Variants in FRMD6 observed in about 807,000 individuals in gnomAD.
FRMD6 encodes the protein FERM domain-containing protein 6.
A neutral mutation model predicts 73.2 loss-of-function variants in FRMD6; 37 were observed. The ratio of observed to expected loss-of-function variants is 0.51; its 90% CI spans 0.39 to 0.66. The LOEUF (loss-of-function observed/expected upper bound fraction) is 0.66. FRMD6 is among the 30% of genes least tolerant of loss of function. FRMD6 has a pLI of 0.00. For missense variants in FRMD6, 714 were observed against 780.5 expected (o/e 0.91, Z 1.02); for synonymous variants, 273 against 282.2 (o/e 0.97, Z 0.33).
At position 51,720,581 on chromosome 14, in the gene FRMD6, G is replaced by C. The variant is rs1335823722; in HGVS notation, c.1360+191G>C. 4 of 595,078 alleles carry C rather than the reference G, an allele frequency of 6.7e-6. No individual in the cohort carries two copies. In the East Asian group the frequency reaches 8.5e-5, roughly 13 times the overall value. The allele number at this position is 595,078 out of a possible 1,614,324, so 36.9% of individuals were successfully genotyped here. A position where few individuals can be genotyped will look rare whatever the true frequency, so the allele number is the denominator to read the frequency against. On this transcript the variant is annotated intron_variant, in intron 11 of 13. Coordinates refer to ENST00000344768, the MANE Select transcript of FRMD6 (RefSeq NM_001267046.2). ...CTGTGAACAAAACATCCCTCTAGTT[G>C]TGATCCTTTGCGGCCACAAGACTGG...
At chr14:51,724,153 T>C (rs1897809399) in intron 12 of FRMD6, 1 of 152,100 alleles carries the variant, frequency 6.6e-6, no homozygotes, top group African/African-American at 2.4e-5. Flanking sequence ...ACAGAGAAGA[T>C]TAGCATGGCC....
At chr14:51,503,242 G>A (rs753338309) in intron 1 of FRMD6, among the ~76,000 whole-genome samples, 1 of 152,172 alleles carries the variant, frequency 6.6e-6, no homozygotes, top group South Asian at 2.1e-4. Context: ...TGTTGAATAG[G>A]AGTGGTGAGA....
At chr14:51,518,712 A>T (rs1313446088) in intron 1 of FRMD6, among the ~76,000 whole-genome samples, 2 of 152,158 alleles carry the variant, frequency 1.3e-5, no homozygotes, top group East Asian at 3.9e-4. Flanking sequence ...AATTTTAACC[A>T]CTAAAAGTCA....
chr14:51,587,608 G>A (rs1326856497), intron 2 of FRMD6, among the ~76,000 whole-genome samples: 3 of 152,124 alleles, frequency 2.0e-5, no homozygotes, highest in African/African-American at 7.2e-5. Flanking sequence ...TGATCTGGGT[G>A]ATCTAGAGGG....
At chr14:51,658,587 C>T (rs1212440167) in intron 1 of FRMD6, among the ~76,000 whole-genome samples, 1 of 152,156 alleles carries the variant, frequency 6.6e-6, no homozygotes, top group Non-Finnish European at 1.5e-5. Flanking sequence ...CTTCCTTCCA[C>T]CCCCATCCAG....
intron 13 of FRMD6, 66 bp from the exon 14 acceptor site, chr14:51,727,679 C>G: frequency 2.0e-6 from 3 of 1,464,304 alleles, no homozygotes; most frequent in Non-Finnish European, 2.8e-6. Flanking sequence ...TGTAGCATCT[C>G]TCTTTACAAG....
chr14:51,640,114 C>T (rs1891750461), intron 2 of FRMD6, among the ~76,000 whole-genome samples: 1 of 152,038 alleles, frequency 6.6e-6, no homozygotes, highest in Admixed American at 6.6e-5. Flanking sequence ...TTAGTTATTC[C>T]ATTAACATCC....
At chr14:51,398,836 A>G in the FRMD6 span, among the ~76,000 whole-genome samples, 1 of 152,126 alleles carries the variant, frequency 6.6e-6, no homozygotes, top group Non-Finnish European at 1.5e-5. Flanking sequence ...AAATTATCCT[A>G]TCCACCATCA....
intron 1 of FRMD6, among the ~76,000 whole-genome samples, chr14:51,504,438 G>C (rs1883829214): frequency 6.6e-6 from 1 of 152,204 alleles, no homozygotes; most frequent in Non-Finnish European, 1.5e-5. Context: ...GAAGCAGTCT[G>C]GTTACTTTTT....
chr14:51,615,319 T>C (rs1480409370), intron 2 of FRMD6, among the ~76,000 whole-genome samples: 1 of 152,216 alleles, frequency 6.6e-6, no homozygotes. Flanking sequence ...ATTTCTTCTA[T>C]TACTAATCAT....
rs1293573754 is a variant in FRMD6, at chr14:51,698,199, G to A, written c.157G>A (p.Asp53Asn). 6.2e-7 allele frequency: 1 copy of A among 1,612,340 alleles called. No individual in the cohort carries two copies. The highest frequency in any genetic ancestry group is 8.5e-7 in the Non-Finnish European group (1 of 1,178,946). Reference sequence around the variant, plus strand: ...GGTTTGTGACCTGCTCAGGCTAAAGGACTGCCACCTCTTTGGACTCAGTGT... The same window carrying A: ...GGTTTGTGACCTGCTCAGGCTAAAGAACTGCCACCTCTTTGGACTCAGTGT... ...VQVCDLLRLK[D>N]CHLFGLSVIQ... Residue 53 changes from aspartate (D) to asparagine (N), a missense_variant, in exon 3 of 14, where the codon GAC becomes AAC. Physicochemically the swap from Asp to Asn is conservative, Grantham distance 23. Coordinates refer to ENST00000344768, the MANE Select transcript of FRMD6 (RefSeq NM_001267046.2).
At chr14:51,504,273 A>G (rs1883812212) in intron 1 of FRMD6, among the ~76,000 whole-genome samples, 1 of 152,174 alleles carries the variant, frequency 6.6e-6, no homozygotes, top group African/African-American at 2.4e-5. Flanking sequence ...AGGCTGTGAA[A>G]CAGCAAAGAT....
At position 51,605,143 on chromosome 14, in the gene FRMD6, T is replaced by C. The variant is rs566169729; in HGVS notation, c.-147+34733T>C. Among the ~76,000 whole-genome samples the C allele has an allele frequency of 3.7e-3, 553 of 148,382 alleles. 4 individuals are homozygous for C. Among genetic ancestry groups the C allele is most frequent in the African/African-American group, 0.013 (530 of 40,660 alleles). ...TATTTACTTCTCTGCAGGTTTCTTT[T>C]TTTTTTTTTTTTTTTATTGATCATT... On this transcript the variant is annotated intron_variant, in intron 2 of 14. Coordinates refer to the FRMD6 transcript ENST00000356218.
chr14:51,485,408 A>G (rs1882743296), upstream of FRMD6, among the ~76,000 whole-genome samples: 1 of 152,240 alleles, frequency 6.6e-6, no homozygotes, highest in Non-Finnish European at 1.5e-5. Context: ...CCCTATTTGC[A>G]AATATGACCA....
intron 1 of FRMD6, among the ~76,000 whole-genome samples, chr14:51,539,312 C>T (rs1403180177): frequency 6.7e-6 from 1 of 148,932 alleles, no homozygotes. Flanking sequence ...GGGAAGCCAT[C>T]ATAGTACTGT....
At chr14:51,654,511 T>C (rs1350675443) in intron 1 of FRMD6, among the ~76,000 whole-genome samples, 3 of 152,112 alleles carry the variant, frequency 2.0e-5, no homozygotes, top group African/African-American at 4.8e-5. Context: ...CACAACTAAC[T>C]TTTTTGATAA....
chr14:51,573,673 G>A (rs1011301388), intron 2 of FRMD6, among the ~76,000 whole-genome samples: 4 of 152,174 alleles, frequency 2.6e-5, no homozygotes, highest in Admixed American at 2.6e-4. Flanking sequence ...TTGTATTCAA[G>A]TTATGGTGAT....
intron 1 of FRMD6, among the ~76,000 whole-genome samples, chr14:51,658,107 A>G (rs1378221909): frequency 1.3e-5 from 2 of 152,262 alleles, no homozygotes; most frequent in South Asian, 2.1e-4. Flanking sequence ...GCTCCCTACT[A>G]TGTAGTCCAA....
At chr14:51,531,382 A>G (rs1478021229) in intron 1 of FRMD6, among the ~76,000 whole-genome samples, 1 of 152,228 alleles carries the variant, frequency 6.6e-6, no homozygotes, top group Non-Finnish European at 1.5e-5. Context: ...GGGATAAGCA[A>G]CAAGATAACT....
Sources: gnomAD v4.1 joint callset for allele counts (sites outside exome capture counted in the v4.1 genomes callset) on GRCh38, gnomAD v4.1.1 for gene constraint, MANE v1.5 for transcripts, NCBI Gene and HGNC (gene_info 2026-07-23, HGNC 2026-07-21) for gene names.